The following GTF2IRD1 variants were observed in gnomAD, a reference collection of about 807,000 sequenced individuals.
The protein encoded by GTF2IRD1 is general transcription factor II-I repeat domain-containing protein 1.
A neutral mutation model predicts 113.2 loss-of-function variants in GTF2IRD1; 26 were observed. That is an observed-to-expected ratio of 0.23 (90% confidence interval 0.17 to 0.32). The LOEUF (loss-of-function observed/expected upper bound fraction) is 0.32. GTF2IRD1 is among the 10% of genes least tolerant of loss of function. The pLI is 1.00. For missense variants in GTF2IRD1, 864 were observed against 1,280.8 expected, an observed-to-expected ratio of 0.67 and a Z score of 4.97; for synonymous variants, 484 against 529.1, an observed-to-expected ratio of 0.91 and a Z score of 1.17.
At position 74,508,162 on chromosome 7, in the gene GTF2IRD1, G is replaced by A. The variant is rs1796405377; in HGVS notation, c.82G>A (p.Asp28Asn). The A allele has an allele frequency of 5.0e-6, 8 of 1,612,816 alleles. No individual in the cohort carries two copies. Among genetic ancestry groups the A allele is most frequent in the African/African-American group, 1.3e-5 (1 of 74,920 alleles). Residue 28 changes from aspartate (D) to asparagine (N), a missense_variant, in exon 2 of 27, where the codon GAC (aspartate) becomes AAC (asparagine). Asp to Asn is a conservative substitution (Grantham distance 23). Transcript: ENST00000424337. ...CTGGAACTCCGCGTTCACCCGCAAA[G>A]ACGAGATCATCACCAGCCTCGTGTC... ...DRWNSAFTRK[D>N]EIITSLVSAL...
chr7:74,474,363 T>A (rs1426383105), intron 1 of GTF2IRD1, among the ~76,000 whole-genome samples: 2 of 152,232 alleles, frequency 1.3e-5, no homozygotes, highest in Admixed American at 6.5e-5. Flanking sequence ...CCCCTCTGCC[T>A]CTAGCAGGGC....
intron 1 of GTF2IRD1, among the ~76,000 whole-genome samples, chr7:74,492,724 G>A (rs1022113038): frequency 2.0e-5 from 3 of 151,432 alleles, no homozygotes; most frequent in Non-Finnish European, 4.4e-5. Context: ...ATTACCACTG[G>A]GCCAAAATCA....
At chr7:74,496,621 C>T (rs368235112) in intron 1 of GTF2IRD1, among the ~76,000 whole-genome samples, 229 of 122,780 alleles carry the variant, frequency 1.9e-3, no homozygotes, top group Non-Finnish European at 3.2e-3. Flanking sequence ...TGTGGGTGTG[C>T]GTGTGGGTGT....
intron 25 of GTF2IRD1, among the ~76,000 whole-genome samples, chr7:74,599,952 C>T (rs62475389): frequency 3.2e-4 from 48 of 152,130 alleles, no homozygotes; most frequent in Non-Finnish European, 5.9e-4. Flanking sequence ...ATGTGGCCTC[C>T]GGAGCCACGC....
At chr7:74,595,655 C>T (rs1354283798) in intron 25 of GTF2IRD1, among the ~76,000 whole-genome samples, 1 of 152,206 alleles carries the variant, frequency 6.6e-6, no homozygotes. Context: ...CCCAGGGAGC[C>T]TGAGGTCTCC....
chr7:74,493,541 TG>T (rs1325673434), intron 1 of GTF2IRD1, among the ~76,000 whole-genome samples: 2 of 152,176 alleles, frequency 1.3e-5, no homozygotes, highest in Non-Finnish European at 1.5e-5. Flanking sequence ...ACACAGGCTC[TG>T]GGGATTAGGA....
At chr7:74,583,371 CTTTTTTTTTTTT>C (rs1168890388) in intron 22 of GTF2IRD1, among the ~76,000 whole-genome samples, 2 of 122,308 alleles carry the variant, frequency 1.6e-5, no homozygotes, top group African/African-American at 6.2e-5. Flanking sequence ...CTTTTTTTTT[CTTTTTTTTTTTT>C]TTTTTTTGTG....
In GTF2IRD1 at chr7:74,602,454, CCTCA is replaced by C. The variant is rs1802815258; in HGVS notation, c.*26_*29del. 1 of 1,598,446 alleles carries C rather than the reference CCTCA, an allele frequency of 6.3e-7. No individual in the cohort carries two copies. Among genetic ancestry groups the C allele is most frequent in the Non-Finnish European group, 8.6e-7 (1 of 1,166,970 alleles). On this transcript the variant is annotated 3_prime_UTR_variant, in exon 27 of 27. Coordinates refer to ENST00000424337, the MANE Select transcript of GTF2IRD1 (RefSeq NM_005685.4). ...ACTAGACCTCAGTACTGAATCAGGA[CCTCA>C]CTCAGAAAGACTAAAGGAAATGTAA... is the stretch of plus-strand genomic sequence containing the variant.
chr7:74,578,141 T>C (rs1801189731), intron 22 of GTF2IRD1, among the ~76,000 whole-genome samples: 1 of 152,160 alleles, frequency 6.6e-6, no homozygotes, highest in Admixed American at 6.6e-5. Flanking sequence ...TTATTGCATG[T>C]AATGTTTGCC....
At chr7:74,528,036 C>T (rs1253526941) in intron 8 of GTF2IRD1, among the ~76,000 whole-genome samples, 3 of 152,046 alleles carry the variant, frequency 2.0e-5, no homozygotes, top group African/African-American at 2.4e-5. Flanking sequence ...GAATGAAGGG[C>T]GTGCCAAGCT....
intron 1 of GTF2IRD1, among the ~76,000 whole-genome samples, chr7:74,496,397 G>T (rs887158916): frequency 6.7e-6 from 1 of 148,704 alleles, no homozygotes; most frequent in African/African-American, 2.5e-5. Flanking sequence ...ATATATGTGG[G>T]TGTGTGTGCA....
Position 74,602,394 on chromosome 7 carries a change from C to T in GTF2IRD1, c.2796C>T (p.Ala932=), listed in dbSNP as rs377486834. 8.1e-6 allele frequency: 13 copies of T among 1,613,430 alleles called. No individual in the cohort carries two copies. Among genetic ancestry groups the T allele is most frequent in the Admixed American group, 5.0e-5 (3 of 59,954 alleles). The change falls in exon 27 of 27, where the codon GCC becomes GCT. Residue 932 remains alanine (A), a synonymous_variant. Transcript: ENST00000424337. Reference sequence around the variant, plus strand: ...GGCCAATGTACATGGTGGACTATGCCGGCCTGAACGTGCAGCTCCCGGGAC... The same window carrying T: ...GGCCAATGTACATGGTGGACTATGCTGGCCTGAACGTGCAGCTCCCGGGAC... ...VQWPMYMVDY[A]GLNVQLPGPL...
intron 22 of GTF2IRD1, among the ~76,000 whole-genome samples, chr7:74,576,140 A>G (rs1801044950): frequency 6.6e-6 from 1 of 152,010 alleles, no homozygotes; most frequent in African/African-American, 2.4e-5. Context: ...AGCGTGGGAA[A>G]CAGAGTGAGA....
intron 1 of GTF2IRD1, among the ~76,000 whole-genome samples, chr7:74,471,414 C>T (rs1414099627): frequency 2.0e-5 from 3 of 151,870 alleles, no homozygotes; most frequent in Non-Finnish European, 4.4e-5. Flanking sequence ...GAGGCTGAGC[C>T]GGGAGAATTG....
At chr7:74,498,103 T>G (rs1175969512) in intron 1 of GTF2IRD1, among the ~76,000 whole-genome samples, 2 of 152,190 alleles carry the variant, frequency 1.3e-5, no homozygotes, top group Non-Finnish European at 2.9e-5. Flanking sequence ...TTTCATCTGT[T>G]TTATGGCCAT....
At chr7:74,460,086 C>T (rs76760601) in intron 1 of GTF2IRD1, among the ~76,000 whole-genome samples, 1,548 of 151,868 alleles carry the variant, frequency 0.01, 23 homozygotes, top group African/African-American at 0.034. Context: ...AGCGATCCTT[C>T]TGGCTCAGTC....
intron 3 of GTF2IRD1, 141 bp downstream of exon 3, chr7:74,513,112 T>G: frequency 1.3e-6 from 1 of 782,098 alleles, no homozygotes; most frequent in Non-Finnish European, 2.0e-6. Flanking sequence ...TTGTCTGAGA[T>G]TCCCGATGTG....
chr7:74,508,690 T>TA (rs35760074), intron 2 of GTF2IRD1, among the ~76,000 whole-genome samples: 27,307 of 132,018 alleles, frequency 0.21, 2,917 homozygotes, highest in Middle Eastern at 0.26. Context: ...GACTCCGTCT[T>TA]AAAAAAAAAA....
intron 1 of GTF2IRD1, among the ~76,000 whole-genome samples, chr7:74,484,827 A>G (rs1794934012): frequency 6.6e-6 from 1 of 152,100 alleles, no homozygotes; most frequent in South Asian, 2.1e-4. Context: ...TCCATTCATC[A>G]TCGGACGCTG....
Sources: allele counts gnomAD v4.1 joint callset (sites outside exome capture counted in the v4.1 genomes callset), GRCh38; gene constraint gnomAD v4.1.1; transcripts MANE v1.5; gene names NCBI Gene and HGNC (gene_info 2026-07-23, HGNC 2026-07-21).